The following CBFA2T2 variants were observed in gnomAD, a reference collection of about 807,000 sequenced individuals.
CBFA2T2 encodes CBFA2/RUNX1 partner transcriptional co-repressor 2, also known as protein CBFA2T2.
In CBFA2T2, 11 loss-of-function variants were observed where a neutral mutation model predicts 62.2. That is an observed-to-expected ratio of 0.18 (90% confidence interval 0.11 to 0.29). CBFA2T2 has a LOEUF of 0.29. Among genes scored for constraint, CBFA2T2 ranks in the 10% least tolerant of loss-of-function variants. The probability of loss-of-function intolerance (pLI) is 1.00; values close to 1 mark genes in which losing one functional copy is unlikely to be tolerated. For synonymous variants in CBFA2T2, 295 were observed against 287.5 expected, an observed-to-expected ratio of 1.03 and a Z score of -0.27; for missense variants, 592 against 774.1, an observed-to-expected ratio of 0.76 and a Z score of 2.79.
chr20:33,612,661 G>A (rs934849659), intron 3 of CBFA2T2, among the ~76,000 whole-genome samples: 1 of 152,156 alleles, frequency 6.6e-6, no homozygotes, highest in Non-Finnish European at 1.5e-5. Flanking sequence ...TCACACCTCA[G>A]TCTGAACCAA....
In CBFA2T2 at chr20:33,624,951, C is replaced by A; in HGVS notation, c.880C>A (p.His294Asn). The A allele has an allele frequency of 6.2e-7, 1 of 1,614,134 alleles. No individual in the cohort carries two copies. Among genetic ancestry groups the A allele is most frequent in the South Asian group, 1.1e-5 (1 of 91,078 alleles). The change falls in exon 6 of 11, where the codon CAC becomes AAC. Residue 294 changes from histidine (H) to asparagine (N), a missense_variant. Around this residue, in one of 3 missense-constraint regions of CBFA2T2, gnomAD observed 449 missense variants for 551.2 expected, o/e 0.81. Transcript: ENST00000342704. The part of the protein sequence containing the change: ...HYTLEDIATS[H>N]LYREPNKMLE... ...CACCTTAGAGGATATTGCAACTTCT[C>A]ACCTGTATCGGGAACCCAACAAGAT...
chr20:33,515,231 G>T (rs2011578990), intron 1 of CBFA2T2, among the ~76,000 whole-genome samples: 1 of 151,014 alleles, frequency 6.6e-6, no homozygotes, highest in Non-Finnish European at 1.5e-5. Context: ...GGCGCCTGTA[G>T]TCCCAGCTAC....
intron 1 of CBFA2T2, among the ~76,000 whole-genome samples, chr20:33,600,883 G>T (rs1343606127): frequency 6.6e-6 from 1 of 152,096 alleles, no homozygotes; most frequent in East Asian, 1.9e-4. Context: ...CAAATTATTG[G>T]AAATAATCCA....
At chr20:33,508,360 G>A (rs542878447) in intron 1 of CBFA2T2, among the ~76,000 whole-genome samples, 1 of 152,284 alleles carries the variant, frequency 6.6e-6, no homozygotes, top group Admixed American at 6.5e-5. Context: ...CTGCCAAAGT[G>A]CTGGGAGAAC....
chr20:33,569,662 A>G (rs992408465), intron 1 of CBFA2T2, among the ~76,000 whole-genome samples: 3 of 152,172 alleles, frequency 2.0e-5, no homozygotes, highest in Non-Finnish European at 4.4e-5. Context: ...ATCAAGGGGG[A>G]GGTCATTGAC....
intron 1 of CBFA2T2, among the ~76,000 whole-genome samples, chr20:33,507,362 G>A (rs1016116336): frequency 6.6e-6 from 1 of 152,164 alleles, no homozygotes; most frequent in African/African-American, 2.4e-5. Context: ...CCAAGGATGG[G>A]CATCTGACCT....
At chr20:33,536,538 C>T (rs1474713836) in intron 1 of CBFA2T2, among the ~76,000 whole-genome samples, 6 of 150,966 alleles carry the variant, frequency 4.0e-5, no homozygotes, top group Non-Finnish European at 8.8e-5. Flanking sequence ...ACTTCCCAGA[C>T]GGGGTGGCTG....
At chr20:33,594,587 G>T (rs1465887184) in intron 1 of CBFA2T2, among the ~76,000 whole-genome samples, 1 of 152,072 alleles carries the variant, frequency 6.6e-6, no homozygotes, top group African/African-American at 2.4e-5. Context: ...TCAAATGCTG[G>T]AACCCAAGAG....
At chr20:33,589,811 TA>T (rs1169672644) in intron 1 of CBFA2T2, among the ~76,000 whole-genome samples, 2 of 152,232 alleles carry the variant, frequency 1.3e-5, no homozygotes, top group Non-Finnish European at 2.9e-5. Context: ...GCCACATATG[TA>T]ATTTTAAATA....
At chr20:33,497,314 T>TGTG (rs1403331807) in intron 1 of CBFA2T2, among the ~76,000 whole-genome samples, 2 of 149,916 alleles carry the variant, frequency 1.3e-5, no homozygotes, top group Non-Finnish European at 3.0e-5. Flanking sequence ...TGGTCCTTTC[T>TGTG]GTGTGACATC....
At chr20:33,640,585 G>C in intron 10 of CBFA2T2, 54 bp downstream of exon 10, 1 of 1,527,030 alleles carries the variant, frequency 6.5e-7, no homozygotes, top group Admixed American at 1.8e-5. Flanking sequence ...GACCACGCCC[G>C]CTGCCTTCCT....
rs1000636612 is a variant in CBFA2T2 at position 33,639,980 on chromosome 20, CAT to C, written c.1298-360_1298-359del. On this transcript the variant is annotated intron_variant, in intron 9 of 10. Transcript: ENST00000342704. ...TCCATCTACCATCTCAAGCAAAACA[CAT>C]GTCTTGATTCTCCCCTGCCCACTGA... Among the ~76,000 whole-genome samples the C allele has an allele frequency of 3.3e-5, 5 of 152,188 alleles. No homozygotes were observed. In the East Asian group the frequency reaches 5.8e-4, roughly 18 times the overall value.
At chr20:33,498,560 G>C (rs1392853869) in intron 1 of CBFA2T2, among the ~76,000 whole-genome samples, 1 of 151,828 alleles carries the variant, frequency 6.6e-6, no homozygotes, top group Non-Finnish European at 1.5e-5. Context: ...ACCTGACCTA[G>C]TTTTCTTATA....
intron 1 of CBFA2T2, among the ~76,000 whole-genome samples, chr20:33,511,737 A>C (rs1464081042): frequency 6.6e-6 from 1 of 152,202 alleles, no homozygotes; most frequent in Non-Finnish European, 1.5e-5. Flanking sequence ...GAAATAAAGC[A>C]TTAGGGCATG....
chr20:33,613,002 C>T (rs1019076199), intron 3 of CBFA2T2, among the ~76,000 whole-genome samples: 2 of 152,104 alleles, frequency 1.3e-5, no homozygotes, highest in Non-Finnish European at 2.9e-5. Flanking sequence ...TGGGAGGATT[C>T]CTTGGGCCCA....
At chr20:33,611,561 C>T (rs558723627) in intron 3 of CBFA2T2, among the ~76,000 whole-genome samples, 4 of 152,104 alleles carry the variant, frequency 2.6e-5, no homozygotes, top group African/African-American at 9.6e-5. Flanking sequence ...TGTCACCCAG[C>T]CTGGAGTATG....
chr20:33,632,482 T>TAAAAAAAAA (rs2016487674), intron 8 of CBFA2T2, among the ~76,000 whole-genome samples: 1 of 151,630 alleles, frequency 6.6e-6, no homozygotes, highest in Non-Finnish European at 1.5e-5. Context: ...TTTTTTTTTT[T>TAAAAAAAAA]TTTTTTAACA....
intron 1 of CBFA2T2, among the ~76,000 whole-genome samples, chr20:33,503,533 G>A (rs2011337962): frequency 1.3e-5 from 2 of 152,038 alleles, no homozygotes; most frequent in Non-Finnish European, 2.9e-5. Flanking sequence ...GATTGCAGGC[G>A]TGAGCCACCG....
chr20:33,584,612 T>G (rs1480681579), intron 1 of CBFA2T2, among the ~76,000 whole-genome samples: 1 of 152,138 alleles, frequency 6.6e-6, no homozygotes, highest in East Asian at 1.9e-4. Flanking sequence ...AGGTAAGCTC[T>G]AGTCAGCTTC....
Sources: allele counts gnomAD v4.1 joint callset (sites outside exome capture counted in the v4.1 genomes callset), GRCh38; gene constraint gnomAD v4.1.1; regional missense constraint gnomAD v4.1.1; transcripts MANE v1.5; gene names NCBI Gene and HGNC (gene_info 2026-07-23, HGNC 2026-07-21).